Variants in FANCC observed in about 807,000 individuals in gnomAD.
The protein encoded by FANCC is FA complementation group C.
FANCC carries 55 observed loss-of-function variants against 71.3 expected under a neutral mutation model. The observed-to-expected ratio is 0.77, with a 90% CI of 0.62 to 0.97. The LOEUF is 0.97. Ranked by LOEUF, FANCC falls within the 50% of genes least tolerant of loss-of-function variation. The probability of loss-of-function intolerance (pLI) is 0.00; values close to 1 mark genes in which losing one functional copy is unlikely to be tolerated. For synonymous variants in FANCC, 275 were observed against 244.9 expected (o/e 1.12, Z -1.15); for missense variants, 678 against 670.9 (o/e 1.01, Z -0.12).
At chr9:95,291,967 A>AAAAAAAATAT (rs1441757988) in intron 1 of FANCC, among the ~76,000 whole-genome samples, 15 of 50,422 alleles carry the variant, frequency 3.0e-4, no homozygotes, top group South Asian at 8.5e-4. Context: ...AAAAAAAAAA[A>AAAAAAAATAT]ATATATATAT....
chr9:95,291,962 AAAAAAATAT>A (rs1309555776), intron 1 of FANCC, among the ~76,000 whole-genome samples: 4 of 108,756 alleles, frequency 3.7e-5, no homozygotes, highest in African/African-American at 1.3e-4. Flanking sequence ...AAAAAAAAAA[AAAAAAATAT>A]ATATATATAT....
chr9:95,304,649 C>T (rs925295009), intron 1 of FANCC, among the ~76,000 whole-genome samples: 2 of 145,550 alleles, frequency 1.4e-5, no homozygotes, highest in African/African-American at 5.1e-5. Flanking sequence ...ACTTTGGAGG[C>T]TGAGACACAA....
At chr9:95,126,468 T>C (rs1768923962) in intron 9 of FANCC, 61 bp downstream of exon 9, 4 of 1,481,060 alleles carry the variant, frequency 2.7e-6, no homozygotes, top group Non-Finnish European at 3.8e-6. Flanking sequence ...ATTTTCTGAT[T>C]CATGCTTGGA....
chr9:95,291,965 A>T lies in FANCC; in HGVS notation c.-79+25561T>A, dbSNP rs867333711. 5.5e-3 allele frequency among the ~76,000 whole-genome samples: 466 copies of T among 84,628 alleles called. 1 individual carries two copies. The highest frequency in any genetic ancestry group is 0.014 in the African/African-American group (329 of 24,320). 55.5% of individuals were successfully genotyped at this position (84,628 alleles called of 152,430 possible). Reference sequence around the variant, plus strand: ...TCTGTCTCAAAAAAAAAAAAAAAAAAAAATATATATATATATATATATATA... The same window carrying T: ...TCTGTCTCAAAAAAAAAAAAAAAAATAAATATATATATATATATATATATA... On this transcript the variant is annotated intron_variant, in intron 1 of 14. Coordinates refer to ENST00000289081, the MANE Select transcript of FANCC (RefSeq NM_000136.3).
intron 12 of FANCC, among the ~76,000 whole-genome samples, chr9:95,111,919 G>C (rs1222057304): frequency 1.3e-5 from 2 of 152,226 alleles, no homozygotes; most frequent in Non-Finnish European, 2.9e-5. Flanking sequence ...AGGCACTGAA[G>C]AAGGAAGACT....
At chr9:95,313,150 C>T (rs879521562) in intron 1 of FANCC, among the ~76,000 whole-genome samples, 1 of 152,214 alleles carries the variant, frequency 6.6e-6, no homozygotes, top group Non-Finnish European at 1.5e-5. Context: ...TGGAGACGTG[C>T]ACACGCCTGG....
At chr9:95,233,550 G>C (rs1830133038) in intron 4 of FANCC, among the ~76,000 whole-genome samples, 1 of 152,194 alleles carries the variant, frequency 6.6e-6, no homozygotes. Flanking sequence ...CATAGGTTTG[G>C]CATGTCTGGA....
At chr9:95,281,383 A>G (rs1202499879) in intron 1 of FANCC, among the ~76,000 whole-genome samples, 2 of 152,106 alleles carry the variant, frequency 1.3e-5, no homozygotes, top group African/African-American at 2.4e-5. Context: ...GAAGAAATTC[A>G]AAGTCCTAAA....
chr9:95,155,228 C>G (rs904139634), intron 6 of FANCC, among the ~76,000 whole-genome samples: 1 of 68,854 alleles, frequency 1.5e-5, no homozygotes, highest in Non-Finnish European at 2.9e-5. Context: ...AAAGAGAGAG[C>G]GAGAGAAAAG....
chr9:95,237,222 G>A (rs1466440345), intron 4 of FANCC, among the ~76,000 whole-genome samples: 3 of 152,272 alleles, frequency 2.0e-5, no homozygotes, highest in East Asian at 1.9e-4. Flanking sequence ...ATCCTCACCT[G>A]TTCCCTACCC....
In FANCC at chr9:95,291,967, A is replaced by ATATAT. The variant is rs1554869938; in HGVS notation, c.-79+25558_-79+25559insATATA. Among the ~76,000 whole-genome samples the ATATAT allele has an allele frequency of 8.9e-3, 448 of 50,426 alleles. 1 individual carries two copies. Among genetic ancestry groups the ATATAT allele is most frequent in the Non-Finnish European group, 0.011 (331 of 29,410 alleles). 33.1% of individuals were successfully genotyped at this position (50,426 alleles called of 152,430 possible). On this transcript the variant is annotated intron_variant, in intron 1 of 14. Coordinates refer to ENST00000289081, the MANE Select transcript of FANCC (RefSeq NM_000136.3). ...TGTCTCAAAAAAAAAAAAAAAAAAA[A>ATATAT]ATATATATATATATATATATATATA...
At chr9:95,189,813 T>C (rs1396727371) in intron 4 of FANCC, among the ~76,000 whole-genome samples, 2 of 152,208 alleles carry the variant, frequency 1.3e-5, no homozygotes, top group African/African-American at 2.4e-5. Flanking sequence ...TGTAAAACCT[T>C]GGCCCTTGTG....
chr9:95,271,644 G>A (rs868384542), intron 1 of FANCC, among the ~76,000 whole-genome samples: 104 of 152,116 alleles, frequency 6.8e-4, no homozygotes, highest in African/African-American at 2.4e-3. Context: ...TAACAGCTTC[G>A]GGAAACTAAT....
intron 6 of FANCC, among the ~76,000 whole-genome samples, chr9:95,162,171 T>C (rs960460683): frequency 2.0e-5 from 3 of 152,180 alleles, no homozygotes; most frequent in African/African-American, 7.2e-5. Flanking sequence ...GTTTGACTAA[T>C]TTAGATACCA....
chr9:95,147,840 T>C (rs1380768762), intron 7 of FANCC, among the ~76,000 whole-genome samples: 1 of 152,220 alleles, frequency 6.6e-6, no homozygotes, highest in Non-Finnish European at 1.5e-5. Context: ...TGCCTTACAA[T>C]AGAATCTCTG....
chr9:95,126,496 A>G, intron 9 of FANCC, 33 bp downstream of exon 9: 1 of 1,600,270 alleles, frequency 6.2e-7, no homozygotes, highest in Admixed American at 1.7e-5. Context: ...CCTTTTTTAC[A>G]TCAATTACTA....
intron 4 of FANCC, among the ~76,000 whole-genome samples, chr9:95,231,730 A>G (rs545352087): frequency 6.6e-6 from 1 of 152,356 alleles, no homozygotes; most frequent in South Asian, 2.1e-4. Flanking sequence ...AGGAATTCTT[A>G]TGAGGGTGCA....
intron 6 of FANCC, among the ~76,000 whole-genome samples, chr9:95,163,487 C>T (rs1416217691): frequency 1.3e-5 from 2 of 152,174 alleles, no homozygotes; most frequent in African/African-American, 4.8e-5. Context: ...AAAAACCAAA[C>T]GCCACTGACA....
In FANCC at chr9:95,176,771, T is replaced by C. The variant is rs553515089; in HGVS notation, c.346-4624A>G. Among the ~76,000 whole-genome samples, 11 of 152,356 alleles carry C rather than the reference T, an allele frequency of 7.2e-5. No individual in the cohort carries two copies. In the East Asian group the frequency reaches 1.9e-3, roughly 27 times the overall value. On this transcript the variant is annotated intron_variant, in intron 4 of 14. Coordinates refer to ENST00000289081, the MANE Select transcript of FANCC (RefSeq NM_000136.3). The stretch of plus-strand genomic sequence containing the variant: ...CTACAAACCTGGTTGAGATGGAAAG[T>C]AATGTAGTATGTAATTGAAGGAAAC...
Sources: allele counts gnomAD v4.1 joint callset (sites outside exome capture counted in the v4.1 genomes callset), GRCh38; gene constraint gnomAD v4.1.1; transcripts MANE v1.5; gene names NCBI Gene and HGNC (gene_info 2026-07-23, HGNC 2026-07-21).